Variants in ADAMTS4 observed in about 807,000 individuals in gnomAD.
ADAMTS4 encodes ADAM metallopeptidase with thrombospondin type 1 motif 4.
ADAMTS4 carries 38 observed loss-of-function variants against 66.7 expected under a neutral mutation model. The ratio of observed to expected loss-of-function variants is 0.57; its 90% CI spans 0.44 to 0.75. The LOEUF is 0.75. ADAMTS4 is among the 30% of genes least tolerant of loss of function. The pLI is 0.00. For synonymous variants in ADAMTS4, 418 were observed against 461.5 expected (o/e 0.91, Z 1.21); for missense variants, 1,014 against 1,116.7 (o/e 0.91, Z 1.31).
rs1229877917 is a variant in ADAMTS4, at chr1:161,194,057, G to A, written c.1426C>T (p.Leu476Phe). 1 of 1,614,076 alleles carries A rather than the reference G, an allele frequency of 6.2e-7. No homozygotes were observed. The highest frequency in any genetic ancestry group is 1.7e-5 in the Admixed American group (1 of 60,008). Residue 476 changes from leucine to phenylalanine, a missense_variant, in exon 5 of 9, where the codon CTC becomes TTC. Leu to Phe is a conservative substitution (Grantham distance 22, BLOSUM62 0). Transcript: ENST00000367996. This position sits in a 1 kb window ranked among gnomAD's most constrained non-coding sequence, Gnocchi z 4.1. Reference sequence around the variant, plus strand: ...GTCTGGCACATGGCATGGCCATTGAGGTGGCCAGAGCACCAGAGGGCAGCA... The same window carrying A: ...GTCTGGCACATGGCATGGCCATTGAAGTGGCCAGAGCACCAGAGGGCAGCA... ...PCAALWCSGH[L>F]NGHAMCQTKH...
rs1401719888 is a variant in ADAMTS4, at chr1:161,191,030, C to T, written c.*108G>A. 7.6e-7 allele frequency: 1 copy of T among 1,318,878 alleles called. No homozygotes were observed. Among genetic ancestry groups the T allele is most frequent in the Admixed American group, 2.5e-5 (1 of 40,330 alleles). The allele number at this position is 1,318,878 out of a possible 1,614,324, so 81.7% of individuals were successfully genotyped here. On this transcript the variant is annotated 3_prime_UTR_variant, in exon 9 of 9. Coordinates refer to ENST00000367996, the MANE Select transcript of ADAMTS4 (RefSeq NM_005099.6). ...AGAGGAGGGGCAGGTCTCACGCCCA[C>T]AGCCCCTCCCCACTGAGTCTTAGCA...
chr1:161,191,494 G>T lies in ADAMTS4; in HGVS notation c.2158C>A (p.Pro720Thr). The change falls in exon 9 of 9, where the codon CCT (proline) becomes ACT (threonine). Residue 720 changes from proline (P) to threonine (T), a missense_variant. Coordinates refer to ENST00000367996, the MANE Select transcript of ADAMTS4 (RefSeq NM_005099.6). ...GCCAAGTAGATGCTCCGGTGGCCAGGGTTTCCCTGCTGCCGGACAAGAATG... is the reference window on the plus strand; with the variant it reads ...GCCAAGTAGATGCTCCGGTGGCCAGTGTTTCCCTGCTGCCGGACAAGAATG... ...THILVRQQGN[P>T]GHRSIYLALK... 6.2e-7 allele frequency: 1 copy of T among 1,614,050 alleles called. No individual in the cohort carries two copies. The highest frequency in any genetic ancestry group is 1.1e-5 in the South Asian group (1 of 91,086).
chr1:161,197,207 C>A, intron 1 of ADAMTS4: 1 of 278,710 alleles, frequency 3.6e-6, no homozygotes, highest in Non-Finnish European at 6.8e-6. Flanking sequence ...TTCTCCAGGC[C>A]TGAGTGTGGC....
In ADAMTS4 at chr1:161,186,034, T is replaced by G. The variant is rs1163929900; in HGVS notation, c.*5104A>C. 6.6e-6 allele frequency: 1 copy of G among 152,310 alleles called. No individual in the cohort carries two copies. The highest frequency in any genetic ancestry group is 2.4e-5 in the African/African-American group (1 of 41,478). 9.4% of individuals were successfully genotyped at this position (152,310 alleles called of 1,614,324 possible). ...TCTCTAGGGACAGGGTTCTAATCCC[T>G]TGTCATTCAATGCCTTTTCTTTTTC... On this transcript the variant is annotated 3_prime_UTR_variant, in exon 9 of 9. Transcript: ENST00000367996.
rs1664615055 is a variant in ADAMTS4 at position 161,189,592 on chromosome 1, G to A, written c.*1546C>T. 6.6e-6 allele frequency: 1 copy of A among 152,094 alleles called. No homozygotes were observed. Among genetic ancestry groups the A allele is most frequent in the Non-Finnish European group, 1.5e-5 (1 of 68,030 alleles). 9.4% of individuals were successfully genotyped at this position (152,094 alleles called of 1,614,324 possible). On this transcript the variant is annotated 3_prime_UTR_variant, in exon 9 of 9. Coordinates refer to ENST00000367996, the MANE Select transcript of ADAMTS4 (RefSeq NM_005099.6). Reference sequence around the variant, plus strand: ...TTGGTCCCTCAGAACCCAGGATAGGGGTCTGCCAACCAAAGGAACGGACCC... The same window carrying A: ...TTGGTCCCTCAGAACCCAGGATAGGAGTCTGCCAACCAAAGGAACGGACCC...
chr1:161,193,725 A>G lies in ADAMTS4; in HGVS notation c.1650T>C (p.Pro550=). The part of the protein sequence containing the change: ...VQFSSRDCTR[P]VPRNGGKYCE... ...AGTACTTGCCACCATTCCGGGGGACAGGCCTCGTGCAGTCTCGGGAGGAGA... is the reference window on the plus strand; with the variant it reads ...AGTACTTGCCACCATTCCGGGGGACGGGCCTCGTGCAGTCTCGGGAGGAGA... The change falls in exon 6 of 9, where the codon CCT becomes CCC. Residue 550 remains proline (P), a synonymous_variant. Transcript: ENST00000367996. The surrounding 1 kb of genome is among the most constrained non-coding windows in gnomAD (Gnocchi z 4.4). The G allele has an allele frequency of 6.2e-7, 1 of 1,614,102 alleles. No individual in the cohort carries two copies. Among genetic ancestry groups the G allele is most frequent in the East Asian group, 2.2e-5 (1 of 44,888 alleles).
Position 161,194,232 on chromosome 1 carries a change from G to T in ADAMTS4, c.1262-11C>A. The T allele has an allele frequency of 6.2e-7, 1 of 1,608,058 alleles. No homozygotes were observed. Among genetic ancestry groups the T allele is most frequent in the Non-Finnish European group, 8.5e-7 (1 of 1,175,204 alleles). On this transcript the variant is annotated splice_polypyrimidine_tract_variant and intron_variant, in intron 4 of 8. Transcript: ENST00000367996. This position sits in a 1 kb window ranked among gnomAD's most constrained non-coding sequence, Gnocchi z 4.1. ...CTAAGAGACAGTGCCCTGGGAAGGG[G>T]GTTGGGGCACAAAGTCAGCAACGGG...
At position 161,193,961 on chromosome 1, in the gene ADAMTS4, G is replaced by A. The variant is rs1456113091; in HGVS notation, c.1522C>T (p.His508Tyr). Residue 508 changes from histidine (H) to tyrosine (Y), a missense_variant, in exon 5 of 9, where the codon CAC (histidine) becomes TAC (tyrosine). Coordinates refer to ENST00000367996, the MANE Select transcript of ADAMTS4 (RefSeq NM_005099.6). The surrounding 1 kb of genome is among the most constrained non-coding windows in gnomAD (Gnocchi z 4.4). ...AQACMGGRCL[H>Y]MDQLQDFNIP... ...TTGAAGTCCTGGAGCTGGTCCATGT[G>A]GAGGCAGCGACCACCCATGCAGGCC... 2 of 1,592,676 alleles carry A rather than the reference G, an allele frequency of 1.3e-6. No individual in the cohort carries two copies. Among genetic ancestry groups the A allele is most frequent in the South Asian group, 2.2e-5 (2 of 89,054 alleles).
Position 161,191,295 on chromosome 1 carries a change from A to G in ADAMTS4, c.2357T>C (p.Leu786Pro). Residue 786 changes from leucine to proline, a missense_variant, in exon 9 of 9, where the codon CTA (leucine) becomes CCA (proline). Coordinates refer to ENST00000367996, the MANE Select transcript of ADAMTS4 (RefSeq NM_005099.6). ...PLAQPLTLQV[L>P]VAGNPQDTRL... ...TGTGTCCTGGGGGTTGCCAGCCACT[A>G]GGACTTGCAGTGTCAAAGGCTGGGC... The G allele has an allele frequency of 6.2e-7, 1 of 1,613,966 alleles. No individual in the cohort carries two copies. The highest frequency in any genetic ancestry group is 8.5e-7 in the Non-Finnish European group (1 of 1,180,030).
In ADAMTS4 at chr1:161,198,689, T is replaced by C. The variant is rs1255590608; in HGVS notation, c.-62A>G. The C allele has an allele frequency of 7.1e-7, 1 of 1,402,784 alleles. No individual in the cohort carries two copies. Among genetic ancestry groups the C allele is most frequent in the African/African-American group, 1.4e-5 (1 of 69,106 alleles). 86.9% of individuals were successfully genotyped at this position (1,402,784 alleles called of 1,614,324 possible). ...CTAGGGCACCAAGTCCTCCACACCC[T>C]AGCTTTGGAAAGCTCCTCTCTGTAG... On this transcript the variant is annotated 5_prime_UTR_variant, in exon 1 of 9. Coordinates refer to ENST00000367996, the MANE Select transcript of ADAMTS4 (RefSeq NM_005099.6). The surrounding 1 kb of genome is among the most constrained non-coding windows in gnomAD (Gnocchi z 4.7).
Position 161,193,615 on chromosome 1 carries a change from G to A in ADAMTS4, c.1735+25C>T. The A allele has an allele frequency of 6.3e-7, 1 of 1,589,644 alleles. No homozygotes were observed. Among genetic ancestry groups the A allele is most frequent in the African/African-American group, 1.3e-5 (1 of 74,640 alleles). ...TCCTGCTCTACTGTCCCCTCCCAAG[G>A]GCTCCCATCCCCCCTACTCCTCACC... On this transcript the variant is annotated intron_variant, in intron 6 of 8. Transcript: ENST00000367996. This position sits in a 1 kb window ranked among gnomAD's most constrained non-coding sequence, Gnocchi z 4.4.
chr1:161,195,747 C>A, intron 3 of ADAMTS4, 112 bp from the exon 4 acceptor site: 3 of 1,064,430 alleles, frequency 2.8e-6, no homozygotes, highest in Non-Finnish European at 4.0e-6. Context: ...ACCCACCTCA[C>A]CCTGCCCCCA....
At chr1:161,195,742 C>T in intron 3 of ADAMTS4, 107 bp from the exon 4 acceptor site, 2 of 1,092,054 alleles carry the variant, frequency 1.8e-6, no homozygotes, top group South Asian at 1.6e-5. Context: ...CCATTACCCA[C>T]CTCACCCTGC....
rs1664719625 is a variant in ADAMTS4, at chr1:161,193,153, G to A, written c.1911+60C>T. On this transcript the variant is annotated intron_variant, in intron 7 of 8. Coordinates refer to ENST00000367996, the MANE Select transcript of ADAMTS4 (RefSeq NM_005099.6). This position sits in a 1 kb window ranked among gnomAD's most constrained non-coding sequence, Gnocchi z 4.4. The stretch of plus-strand genomic sequence containing the variant: ...GGGTGATCTTTGTTATCAGAAAGCA[G>A]AGGGAGCACTGCGGGTGTGTGTGAC... The A allele has an allele frequency of 6.5e-7, 1 of 1,528,602 alleles. No individual in the cohort carries two copies. The highest frequency in any genetic ancestry group is 8.8e-7 in the Non-Finnish European group (1 of 1,131,310). 94.7% of individuals were successfully genotyped at this position (1,528,602 alleles called of 1,614,324 possible).
chr1:161,191,492 A>C lies in ADAMTS4; in HGVS notation c.2160T>G (p.Pro720=). 1.2e-6 allele frequency: 2 copies of C among 1,614,114 alleles called. No homozygotes were observed. Among genetic ancestry groups the C allele is most frequent in the Non-Finnish European group, 1.7e-6 (2 of 1,179,966 alleles). Residue 720 remains proline, a synonymous_variant, in exon 9 of 9, where the codon CCT becomes CCG. Transcript: ENST00000367996. Reference sequence around the variant, plus strand: ...GGGCCAAGTAGATGCTCCGGTGGCCAGGGTTTCCCTGCTGCCGGACAAGAA... The same window carrying C: ...GGGCCAAGTAGATGCTCCGGTGGCCCGGGTTTCCCTGCTGCCGGACAAGAA... ...THILVRQQGN[P]GHRSIYLALK... is the part of the protein sequence containing the mutation.
At position 161,186,846 on chromosome 1, in the gene ADAMTS4, A is replaced by AG. The variant is rs1664551258; in HGVS notation, c.*4291dup. ...AGACCTCGTCTCAACCAAAAAAAAA[A>AG]GTAAATTAGCTGGGTGTGGTAGCTC... On this transcript the variant is annotated 3_prime_UTR_variant, in exon 9 of 9. Coordinates refer to ENST00000367996, the MANE Select transcript of ADAMTS4 (RefSeq NM_005099.6). The AG allele has an allele frequency of 6.6e-6, 1 of 151,970 alleles. No homozygotes were observed. Among genetic ancestry groups the AG allele is most frequent in the Non-Finnish European group, 1.5e-5 (1 of 68,000 alleles). 9.4% of individuals were successfully genotyped at this position (151,970 alleles called of 1,614,324 possible).
At chr1:161,197,894 A>C in intron 1 of ADAMTS4, 101 bp downstream of exon 1, 3 of 1,484,416 alleles carry the variant, frequency 2.0e-6, no homozygotes, top group South Asian at 1.4e-5. Flanking sequence ...AGGGAAGCAG[A>C]ACGGCCAGAA....
Position 161,191,316 on chromosome 1 carries a change from T to G in ADAMTS4, c.2336A>C (p.Gln779Pro). Reference protein sequence around the residue: ...ETLSGHGPLAQPLTLQVLVAG... With the variant: ...ETLSGHGPLAPPLTLQVLVAG... ...CACTAGGACTTGCAGTGTCAAAGGCTGGGCCAGTGGCCCATGGCCTGACAG... is the reference window on the plus strand; with the variant it reads ...CACTAGGACTTGCAGTGTCAAAGGCGGGGCCAGTGGCCCATGGCCTGACAG... Residue 779 changes from glutamine to proline, a missense_variant, in exon 9 of 9, where the codon CAG (glutamine) becomes CCG (proline). Transcript: ENST00000367996. The G allele has an allele frequency of 6.2e-7, 1 of 1,613,986 alleles. No homozygotes were observed. Among genetic ancestry groups the G allele is most frequent in the Non-Finnish European group, 8.5e-7 (1 of 1,180,020 alleles).
rs770985919 is a variant in ADAMTS4 at position 161,198,064 on chromosome 1, G to A, written c.564C>T (p.Ser188=). Reference sequence around the variant, plus strand: ...TGACGTTGCACATGGGACCTTGACCGCTGGCAGGACTCTTCCGGCGTAGGA... The same window carrying A: ...TGACGTTGCACATGGGACCTTGACCACTGGCAGGACTCTTCCGGCGTAGGA... The part of the protein sequence containing the change: ...AHILRRKSPA[S]GQGPMCNVKA... The change falls in exon 1 of 9, where the codon AGC becomes AGT. Residue 188 remains serine, a synonymous_variant. Transcript: ENST00000367996. The surrounding 1 kb of genome is among the most constrained non-coding windows in gnomAD (Gnocchi z 4.7). The A allele has an allele frequency of 2.5e-6, 4 of 1,608,888 alleles. No homozygotes were observed. The highest frequency in any genetic ancestry group is 1.7e-5 in the Admixed American group (1 of 59,718).
Sources: gnomAD v4.1 joint callset for allele counts on GRCh38, gnomAD v4.1.1 for gene constraint, Gnocchi (gnomAD v3.1) non-coding constraint, MANE v1.5 for transcripts, NCBI Gene and HGNC (gene_info 2026-07-23, HGNC 2026-07-21) for gene names.